Variants in GOLGA5 observed in about 807,000 individuals in gnomAD.
GOLGA5 encodes the protein golgin A5.
GOLGA5 carries 50 observed loss-of-function variants against 93.5 expected under a neutral mutation model. That is an observed-to-expected ratio of 0.53 (90% CI 0.43 to 0.68). GOLGA5 has a LOEUF of 0.68. Ranked by LOEUF, GOLGA5 falls within the 30% of genes least tolerant of loss-of-function variation. GOLGA5 has a pLI of 0.00. For synonymous variants in GOLGA5, 312 were observed against 304.5 expected, an observed-to-expected ratio of 1.02 and a Z score of -0.26; for missense variants, 760 against 856.4, an observed-to-expected ratio of 0.89 and a Z score of 1.40.
intron 2 of GOLGA5, among the ~76,000 whole-genome samples, chr14:92,800,418 A>T (rs543031378): frequency 6.6e-6 from 1 of 152,378 alleles, no homozygotes; most frequent in East Asian, 1.9e-4. Context: ...AGGCTAGTAG[A>T]GTAGAAAACA....
In GOLGA5 at chr14:92,839,444, T is replaced by A; in HGVS notation, c.2194T>A (p.Ter732ArgextTer58). The A allele has an allele frequency of 6.2e-7, 1 of 1,601,266 alleles. No homozygotes were observed. The highest frequency in any genetic ancestry group is 2.2e-5 in the East Asian group (1 of 44,836). The change falls in exon 13 of 13, where the codon TGA becomes AGA. Residue 732 changes from the stop codon to arginine (R), a stop_lost. Coordinates refer to ENST00000163416, the MANE Select transcript of GOLGA5 (RefSeq NM_005113.4). ...GCACCACGACCAACCATATGGCAAA[T>A]GAACCAAGCCCAGTTGTTGCAGTGA... ...EMHHDQPYGK[*>R]
chr14:92,833,246 T>G lies in GOLGA5; in HGVS notation c.1844T>G (p.Leu615Arg), dbSNP rs1308633240. 6.2e-7 allele frequency: 1 copy of G among 1,613,398 alleles called. No homozygotes were observed. The highest frequency in any genetic ancestry group is 2.2e-5 in the East Asian group (1 of 44,888). ...LESLSTEKNSLVFQLERLEQQ... is the reference protein window; with the variant it reads ...LESLSTEKNSRVFQLERLEQQ... ...AGTCTCAGCACAGAAAAGAACTCCC[T>G]GGTCTTTCAACTGGAGCGCCTCGAA... is the stretch of plus-strand genomic sequence containing the variant. The change falls in exon 10 of 13, where the codon CTG (leucine) becomes CGG (arginine). Residue 615 changes from leucine to arginine, a missense_variant. Coordinates refer to ENST00000163416, the MANE Select transcript of GOLGA5 (RefSeq NM_005113.4).
intron 7 of GOLGA5, 31 bp from the exon 8 acceptor site, chr14:92,819,677 T>C (rs772376041): frequency 1.2e-6 from 2 of 1,605,414 alleles, no homozygotes; most frequent in Non-Finnish European, 1.7e-6. Context: ...ATGTTAATTA[T>C]TGCTTTTACA....
At chr14:92,823,382 G>A (rs556963395) in intron 8 of GOLGA5, among the ~76,000 whole-genome samples, 5 of 148,830 alleles carry the variant, frequency 3.4e-5, no homozygotes, top group African/African-American at 9.8e-5. Context: ...TTTATGACCC[G>A]TTCTCCTTTT....
At chr14:92,798,675 G>A (rs1884792809) in intron 2 of GOLGA5, among the ~76,000 whole-genome samples, 1 of 152,220 alleles carries the variant, frequency 6.6e-6, no homozygotes, top group South Asian at 2.1e-4. Flanking sequence ...GAGCACTTTG[G>A]AACGCTGAGG....
At chr14:92,812,157 C>T (rs1160900525) in intron 6 of GOLGA5, among the ~76,000 whole-genome samples, 2 of 152,258 alleles carry the variant, frequency 1.3e-5, no homozygotes, top group South Asian at 2.1e-4. Context: ...GTGATCTTAC[C>T]CTCTACTTTA....
intron 11 of GOLGA5, 147 bp from the exon 12 acceptor site, chr14:92,837,237 GTC>G: frequency 1.9e-6 from 1 of 534,188 alleles, no homozygotes; most frequent in Non-Finnish European, 3.4e-6. Context: ...TCATTTAACA[GTC>G]TGCTATAAAA....
rs1422943348 is a variant in GOLGA5 at position 92,797,661 on chromosome 14, C to A, written c.224C>A (p.Ala75Asp). 1.9e-6 allele frequency: 3 copies of A among 1,613,752 alleles called. No homozygotes were observed. The highest frequency in any genetic ancestry group is 2.5e-6 in the Non-Finnish European group (3 of 1,179,662). Reference protein sequence around the residue: ...SAADNIRNQKATILAGTANVK... With the variant: ...SAADNIRNQKDTILAGTANVK... ...GCTGATAACATTCGAAATCAAAAAG[C>A]CACCATCTTAGCTGGCACTGCAAAT... The change falls in exon 2 of 13, where the codon GCC (alanine) becomes GAC (aspartate). Residue 75 changes from alanine to aspartate, a missense_variant. Physicochemically the swap from Ala to Asp is moderately radical, Grantham distance 126. Transcript: ENST00000163416.
chr14:92,834,584 AT>A (rs780226496), intron 10 of GOLGA5, among the ~76,000 whole-genome samples: 1 of 152,244 alleles, frequency 6.6e-6, no homozygotes, highest in Non-Finnish European at 1.5e-5. Flanking sequence ...TTCCTGGCAT[AT>A]TTCAGGAACA....
Position 92,816,337 on chromosome 14 carries a change from A to G in GOLGA5, c.1407A>G (p.Glu469=). The change falls in exon 7 of 13, where the codon GAA becomes GAG. Residue 469 remains glutamate, a synonymous_variant. Coordinates refer to ENST00000163416, the MANE Select transcript of GOLGA5 (RefSeq NM_005113.4). ...DSSTASSMEL[E]ELRHEKEMQR... ...GCACTGCCAGTAGCATGGAGCTGGA[A>G]GAACTTCGGCATGAGAAAGAGATGC... 6.2e-7 allele frequency: 1 copy of G among 1,614,066 alleles called. No individual in the cohort carries two copies. Among genetic ancestry groups the G allele is most frequent in the South Asian group, 1.1e-5 (1 of 91,078 alleles).
In GOLGA5 at chr14:92,839,350, C is replaced by T; in HGVS notation, c.2116-16C>T. ...GGTTTATTGGCTAATCCACAAATTG[C>T]TTTTTCTTTCTCTAGGCTTTGCTTC... On this transcript the variant is annotated splice_polypyrimidine_tract_variant and intron_variant, in intron 12 of 12. Coordinates refer to ENST00000163416, the MANE Select transcript of GOLGA5 (RefSeq NM_005113.4). 1.9e-6 allele frequency: 3 copies of T among 1,597,894 alleles called. No homozygotes were observed. Among genetic ancestry groups the T allele is most frequent in the Non-Finnish European group, 2.6e-6 (3 of 1,165,554 alleles).
intron 9 of GOLGA5, among the ~76,000 whole-genome samples, chr14:92,829,516 G>T (rs1222882463): frequency 5.3e-5 from 8 of 152,294 alleles, no homozygotes; most frequent in African/African-American, 7.2e-5. Flanking sequence ...TGCACATGTG[G>T]TAGAAATAGC....
In GOLGA5 at chr14:92,806,972, T is replaced by G. The variant is rs1309418799; in HGVS notation, c.772+9T>G. On this transcript the variant is annotated intron_variant, in intron 3 of 12. Transcript: ENST00000163416. Reference sequence around the variant, plus strand: ...CAAAGAGACTCAAGAAGGTAGAGGCTTAAATTGTTCAGGATTAGGAATTTA... The same window carrying G: ...CAAAGAGACTCAAGAAGGTAGAGGCGTAAATTGTTCAGGATTAGGAATTTA... 2 of 1,511,982 alleles carry G rather than the reference T, an allele frequency of 1.3e-6. No homozygotes were observed. The highest frequency in any genetic ancestry group is 1.8e-6 in the Non-Finnish European group (2 of 1,086,892). 93.7% of individuals were successfully genotyped at this position (1,511,982 alleles called of 1,614,324 possible).
intron 6 of GOLGA5, among the ~76,000 whole-genome samples, chr14:92,814,717 T>C (rs1435811812): frequency 6.6e-6 from 1 of 152,204 alleles, no homozygotes; most frequent in African/African-American, 2.4e-5. Context: ...AGAATGACTT[T>C]AAAATATTTT....
intron 6 of GOLGA5, among the ~76,000 whole-genome samples, chr14:92,815,451 G>A (rs984526008): frequency 1.3e-5 from 2 of 152,314 alleles, no homozygotes; most frequent in Admixed American, 6.5e-5. Flanking sequence ...TATAGAGAGA[G>A]ACATTATCTT....
At chr14:92,820,294 C>A (rs1318169261) in intron 8 of GOLGA5, among the ~76,000 whole-genome samples, 1 of 152,216 alleles carries the variant, frequency 6.6e-6, no homozygotes, top group Non-Finnish European at 1.5e-5. Flanking sequence ...GGTACTATGC[C>A]TGGATGTGCA....
At chr14:92,817,657 CTT>C (rs1368591736) in intron 7 of GOLGA5, among the ~76,000 whole-genome samples, 1 of 152,120 alleles carries the variant, frequency 6.6e-6, no homozygotes, top group Non-Finnish European at 1.5e-5. Context: ...AAGGAAGAAA[CTT>C]TTTGTAGAGA....
intron 2 of GOLGA5, among the ~76,000 whole-genome samples, chr14:92,801,671 G>A (rs1884873939): frequency 6.6e-6 from 1 of 151,264 alleles, no homozygotes; most frequent in South Asian, 2.1e-4. Context: ...CTTACACTGA[G>A]ATCATAAAGA....
At chr14:92,817,847 C>T (rs1005363905) in intron 7 of GOLGA5, among the ~76,000 whole-genome samples, 1 of 152,130 alleles carries the variant, frequency 6.6e-6, no homozygotes, top group Non-Finnish European at 1.5e-5. Context: ...CTTCATCTTG[C>T]GGAGCTTTAA....
Sources: gnomAD v4.1 joint callset for allele counts (sites outside exome capture counted in the v4.1 genomes callset) on GRCh38, gnomAD v4.1.1 for gene constraint, MANE v1.5 for transcripts, NCBI Gene and HGNC (gene_info 2026-07-23, HGNC 2026-07-21) for gene names.